The following ZDHHC3 variants were observed in gnomAD, a reference collection of about 807,000 sequenced individuals.
ZDHHC3 encodes the protein zDHHC palmitoyltransferase 3, also known as palmitoyltransferase ZDHHC3.
In ZDHHC3, 9 loss-of-function variants were observed where a neutral mutation model predicts 30.6. That is an observed-to-expected ratio of 0.29 (90% CI 0.18 to 0.51). ZDHHC3 has a LOEUF of 0.51. ZDHHC3 is among the 20% of genes least tolerant of loss of function. The probability of loss-of-function intolerance (pLI) is 0.97; values close to 1 mark genes in which losing one functional copy is unlikely to be tolerated. For synonymous variants in ZDHHC3, 136 were observed against 140.2 expected (o/e 0.97, Z 0.21); for missense variants, 246 against 384.2 (o/e 0.64, Z 3.01).
chr3:44,946,897 G>T (rs1004094639), intron 2 of ZDHHC3, among the ~76,000 whole-genome samples: 2 of 152,228 alleles, frequency 1.3e-5, no homozygotes. Flanking sequence ...GTAGCCTAGA[G>T]CCATTAGGTA....
chr3:44,929,276 T>C, intron 6 of ZDHHC3, 30 bp downstream of exon 6: 1 of 1,611,200 alleles, frequency 6.2e-7, no homozygotes, highest in Non-Finnish European at 8.5e-7. Context: ...TCCCCAGGTG[T>C]GGAAATGGTG....
intron 2 of ZDHHC3, among the ~76,000 whole-genome samples, chr3:44,951,834 TC>T (rs1703480312): frequency 1.3e-5 from 2 of 152,334 alleles, no homozygotes; most frequent in African/African-American, 4.8e-5. Context: ...TTAGCCCTTG[TC>T]TTCCTTGGGG....
intron 1 of ZDHHC3, among the ~76,000 whole-genome samples, 161 bp downstream of exon 1, chr3:44,975,772 T>TCTCTCTCTCTCTCACACA (rs1282814843): frequency 8.6e-6 from 1 of 116,704 alleles, no homozygotes; most frequent in Non-Finnish European, 1.8e-5. Flanking sequence ...TCTCTCTCTC[T>TCTCTCTCTCTCTCACACA]CACACACACA....
chr3:44,966,265 C>T (rs537535665), intron 1 of ZDHHC3, among the ~76,000 whole-genome samples: 1 of 152,290 alleles, frequency 6.6e-6, no homozygotes, highest in South Asian at 2.1e-4. Context: ...ATGCTTTTGG[C>T]TTAAGCCAAA....
rs568630140 is a variant in ZDHHC3, at chr3:44,923,027, C to G, written c.*3662G>C. On this transcript the variant is annotated 3_prime_UTR_variant, in exon 7 of 7. Transcript: ENST00000424952. ...GGCTGAGAAAGCCCATCCCAGCCCA[C>G]CCGGAGAGGAGTTTCTGTGTAATGC... The G allele has an allele frequency of 1.0e-6, 1 of 984,986 alleles. No homozygotes were observed. 61.0% of individuals were successfully genotyped at this position (984,986 alleles called of 1,614,324 possible).
At position 44,924,734 on chromosome 3, in the gene ZDHHC3, A is replaced by G. The variant is rs776535765; in HGVS notation, c.*1955T>C. The G allele has an allele frequency of 1.3e-5, 13 of 985,380 alleles. No homozygotes were observed. Among genetic ancestry groups the G allele is most frequent in the African/African-American group, 7.0e-5 (4 of 57,256 alleles). The allele number at this position is 985,380 out of a possible 1,614,324, so 61.0% of individuals were successfully genotyped here. On this transcript the variant is annotated 3_prime_UTR_variant, in exon 7 of 7. Coordinates refer to ENST00000424952, the MANE Select transcript of ZDHHC3 (RefSeq NM_001135179.2). ...AGCCCTGCTCTAGTTATTTAATACA[A>G]TAACACTTCTTTCATACACCTAACT...
At chr3:44,938,071 A>C in intron 3 of ZDHHC3, 1 of 249,656 alleles carries the variant, frequency 4.0e-6, no homozygotes, top group South Asian at 4.0e-5. Context: ...GCAGTCTCCA[A>C]CTCCTGGGTT....
chr3:44,951,725 C>T (rs1703468502), intron 2 of ZDHHC3, among the ~76,000 whole-genome samples: 1 of 152,124 alleles, frequency 6.6e-6, no homozygotes, highest in African/African-American at 2.4e-5. Context: ...CTCTGCTGAC[C>T]TCTCCCTTAC....
At position 44,924,088 on chromosome 3, in the gene ZDHHC3, G is replaced by A; in HGVS notation, c.*2601C>T. On this transcript the variant is annotated 3_prime_UTR_variant, in exon 7 of 7. Transcript: ENST00000424952. The stretch of plus-strand genomic sequence containing the variant: ...TTCCACTCCCCAGAGCCCAGGCTCT[G>A]AAAGACTGTGGCTACGACTGGTTCA... 1 of 985,454 alleles carries A rather than the reference G, an allele frequency of 1.0e-6. No homozygotes were observed. The highest frequency in any genetic ancestry group is 1.2e-6 in the Non-Finnish European group (1 of 829,946). 61.0% of individuals were successfully genotyped at this position (985,454 alleles called of 1,614,324 possible).
intron 1 of ZDHHC3, among the ~76,000 whole-genome samples, chr3:44,965,364 T>C (rs1007027714): frequency 6.6e-5 from 10 of 152,126 alleles, no homozygotes; most frequent in African/African-American, 1.9e-4. Context: ...AGGGACTGGG[T>C]TGCTGAGTCA....
At chr3:44,973,875 C>A (rs1317953834) in intron 1 of ZDHHC3, among the ~76,000 whole-genome samples, 1 of 152,166 alleles carries the variant, frequency 6.6e-6, no homozygotes, top group East Asian at 1.9e-4. Context: ...GAATAGTATG[C>A]CCCAATTCAT....
chr3:44,958,676 G>A lies in ZDHHC3; in HGVS notation c.306+455C>T, dbSNP rs532083067. On this transcript the variant is annotated intron_variant, in intron 2 of 6. Coordinates refer to ENST00000424952, the MANE Select transcript of ZDHHC3 (RefSeq NM_001135179.2). Reference sequence around the variant, plus strand: ...CCCAAGCAAAGTGAAGGCCATTTCCGTGCAGGTTCCTGGAATTGGATGTGG... The same window carrying A: ...CCCAAGCAAAGTGAAGGCCATTTCCATGCAGGTTCCTGGAATTGGATGTGG... 142 of 1,536,094 alleles carry A rather than the reference G, an allele frequency of 9.2e-5. No homozygotes were observed. In the African/African-American group the frequency reaches 1.0e-3, roughly 11 times the overall value.
In ZDHHC3 at chr3:44,923,176, C is replaced by T. The variant is rs1039383432; in HGVS notation, c.*3513G>A. 1.6e-5 allele frequency: 14 copies of T among 869,252 alleles called. No individual in the cohort carries two copies. The South Asian group carries it at 3.2e-4, about 20-fold the overall frequency. 53.8% of individuals were successfully genotyped at this position (869,252 alleles called of 1,614,324 possible). On this transcript the variant is annotated 3_prime_UTR_variant, in exon 7 of 7. Coordinates refer to ENST00000424952, the MANE Select transcript of ZDHHC3 (RefSeq NM_001135179.2). ...CTGCAAGCTCCACTTCCCGGGTTCA[C>T]GCCATTCTCCTGCCTCAGCCTCCCA... is the stretch of plus-strand genomic sequence containing the variant.
chr3:44,918,219 T>G lies in ZDHHC3; in HGVS notation c.*8470A>C. The G allele has an allele frequency of 8.3e-7, 1 of 1,199,322 alleles. No individual in the cohort carries two copies. The highest frequency in any genetic ancestry group is 1.1e-6 in the Non-Finnish European group (1 of 938,656). 74.3% of individuals were successfully genotyped at this position (1,199,322 alleles called of 1,614,324 possible). On this transcript the variant is annotated 3_prime_UTR_variant, in exon 7 of 7. Transcript: ENST00000424952. ...CAGCTCACATAGACACCCCCAGCTA[T>G]AGCATAGCAGTGGCGGGGGGGGGGG...
In ZDHHC3 at chr3:44,975,981, G is replaced by T; in HGVS notation, c.-73C>A. On this transcript the variant is annotated 5_prime_UTR_variant, in exon 1 of 7. Transcript: ENST00000424952. ...AGTCCCAGACCCCGGTGGGGCTCCC[G>T]CCGCCGCCGCCGCTGCCTTCCCCTG... 1 of 254,520 alleles carries T rather than the reference G, an allele frequency of 3.9e-6. No individual in the cohort carries two copies. Among genetic ancestry groups the T allele is most frequent in the Non-Finnish European group, 7.4e-6 (1 of 134,770 alleles). The allele number at this position is 254,520 out of a possible 1,614,324, so 15.8% of individuals were successfully genotyped here. A position where few individuals can be genotyped will look rare whatever the true frequency, so the allele number is the denominator to read the frequency against.
chr3:44,962,875 T>C (rs967894517), intron 1 of ZDHHC3, among the ~76,000 whole-genome samples: 1 of 152,192 alleles, frequency 6.6e-6, no homozygotes, highest in Non-Finnish European at 1.5e-5. Flanking sequence ...GAAAAGCAAA[T>C]AAACTAAGTC....
At chr3:44,942,823 G>A (rs1409673604) in intron 3 of ZDHHC3, among the ~76,000 whole-genome samples, 3 of 152,186 alleles carry the variant, frequency 2.0e-5, no homozygotes, top group Admixed American at 6.5e-5. Flanking sequence ...TGTAGCAAGC[G>A]ACACAGCTGA....
intron 3 of ZDHHC3, among the ~76,000 whole-genome samples, chr3:44,935,353 G>GC (rs1701863336): frequency 6.6e-6 from 1 of 152,156 alleles, no homozygotes; most frequent in Admixed American, 6.5e-5. Flanking sequence ...ACGACTCACT[G>GC]CAACTTCCCG....
intron 5 of ZDHHC3, 132 bp from the exon 6 acceptor site, chr3:44,929,568 G>A: frequency 1.6e-6 from 2 of 1,223,922 alleles, no homozygotes; most frequent in East Asian, 2.5e-5. Flanking sequence ...ATAGGTCTCT[G>A]GCCTCCAGGC....
Sources: allele counts gnomAD v4.1 joint callset (sites outside exome capture counted in the v4.1 genomes callset), GRCh38; gene constraint gnomAD v4.1.1; transcripts MANE v1.5; gene names NCBI Gene and HGNC (gene_info 2026-07-23, HGNC 2026-07-21).